Variants in CDYL2 observed in about 807,000 individuals in gnomAD.
CDYL2 encodes chromodomain Y-like protein 2.
Under a neutral mutation model 49.4 loss-of-function variants are expected in CDYL2, and 23 were observed. The ratio of observed to expected loss-of-function variants is 0.47; its 90% CI spans 0.34 to 0.66. The LOEUF (loss-of-function observed/expected upper bound fraction) is 0.66. Among genes scored for constraint, CDYL2 ranks in the 30% least tolerant of loss-of-function variants. The pLI is 0.01. For missense variants in CDYL2, 678 were observed against 656.4 expected, an observed-to-expected ratio of 1.03 and a Z score of -0.36; for synonymous variants, 360 against 268.8, an observed-to-expected ratio of 1.34 and a Z score of -3.32.
At chr16:80,627,789 G>T (rs1239235589) in intron 3 of CDYL2, 1 of 152,136 alleles carries the variant, frequency 6.6e-6, no homozygotes, top group Non-Finnish European at 1.5e-5. Context: ...ATAACAAATA[G>T]TCCCAGACTG....
rs1905241665 is a variant in CDYL2, at chr16:80,728,778, G to C, written c.25-43649C>G. 4.6e-5 allele frequency among the ~76,000 whole-genome samples: 7 copies of C among 152,274 alleles called. 1 individual carries two copies. The South Asian group carries it at 1.5e-3, about 32-fold the overall frequency. On this transcript the variant is annotated intron_variant, in intron 1 of 6. Coordinates refer to ENST00000570137, the MANE Select transcript of CDYL2 (RefSeq NM_152342.4). ...TCGGCAGAAACTCTACAAGCCAGAAGAGAGTGGGGGCCAATATTCAACATT... is the reference window on the plus strand; with the variant it reads ...TCGGCAGAAACTCTACAAGCCAGAACAGAGTGGGGGCCAATATTCAACATT...
In CDYL2 at chr16:80,668,979, C is replaced by A. The variant is rs11150299; in HGVS notation, c.616+15559G>T. On this transcript the variant is annotated intron_variant, in intron 2 of 6. Transcript: ENST00000570137. ...ACTGTTTGAATTTTTTACAACTCAC[C>A]TATTTGTAACTTTAGAAAACAAAAA... 1.3e-4 allele frequency among the ~76,000 whole-genome samples: 20 copies of A among 151,744 alleles called. 1 individual carries two copies. The East Asian group carries it at 3.7e-3, about 28-fold the overall frequency.
chr16:80,752,700 G>A (rs944403957), intron 1 of CDYL2, among the ~76,000 whole-genome samples: 4 of 152,136 alleles, frequency 2.6e-5, no homozygotes, highest in African/African-American at 9.7e-5. Context: ...ACCAACCAGT[G>A]GTGTACTGAT....
In CDYL2 at chr16:80,758,843, G is replaced by A. The variant is rs112574176; in HGVS notation, c.24+45307C>T. Among the ~76,000 whole-genome samples, 26 of 151,850 alleles carry A rather than the reference G, an allele frequency of 1.7e-4. 1 individual carries two copies. Among genetic ancestry groups the A allele is most frequent in the African/African-American group, 6.0e-4 (25 of 41,478 alleles). ...AGGCGTGAGCCACCACGCCCGGCCTGCTGCAGCACTTCTAATCATATCAAA... is the reference window on the plus strand; with the variant it reads ...AGGCGTGAGCCACCACGCCCGGCCTACTGCAGCACTTCTAATCATATCAAA... On this transcript the variant is annotated intron_variant, in intron 1 of 6. Coordinates refer to ENST00000570137, the MANE Select transcript of CDYL2 (RefSeq NM_152342.4).
intron 2 of CDYL2, among the ~76,000 whole-genome samples, chr16:80,662,078 T>C (rs879226483): frequency 1.3e-5 from 2 of 152,212 alleles, no homozygotes; most frequent in Admixed American, 6.5e-5. Flanking sequence ...GAAGTCTCCA[T>C]GTGTCAAACA....
intron 2 of CDYL2, among the ~76,000 whole-genome samples, chr16:80,674,155 A>T (rs1412582135): frequency 6.6e-6 from 1 of 152,214 alleles, no homozygotes; most frequent in Non-Finnish European, 1.5e-5. Flanking sequence ...TTGGTTCACT[A>T]AGAGTACCTC....
chr16:80,674,911 A>T (rs1232277182), intron 2 of CDYL2, among the ~76,000 whole-genome samples: 4 of 152,208 alleles, frequency 2.6e-5, no homozygotes, highest in Admixed American at 2.6e-4. Flanking sequence ...TTTACAATGC[A>T]TAGATGTGCA....
chr16:80,664,727 C>T (rs1412664212), intron 2 of CDYL2, among the ~76,000 whole-genome samples: 1 of 152,140 alleles, frequency 6.6e-6, no homozygotes. Flanking sequence ...ATCTAGGTCT[C>T]AAGCCAGGAC....
chr16:80,712,191 G>GTATGTATATATATATATATA (rs1904636906), intron 1 of CDYL2, among the ~76,000 whole-genome samples: 1 of 107,934 alleles, frequency 9.3e-6, no homozygotes, highest in African/African-American at 2.9e-5. Context: ...GTCTGTGTGT[G>GTATGTATATATATATATATA]TATATATATA....
intron 1 of CDYL2, among the ~76,000 whole-genome samples, chr16:80,743,401 C>T (rs149971471): frequency 2.0e-5 from 3 of 152,194 alleles, no homozygotes; most frequent in African/African-American, 7.2e-5. Context: ...TATTTGCAGT[C>T]TAAATCTCAA....
chr16:80,686,421 T>C (rs1479348763), intron 1 of CDYL2, among the ~76,000 whole-genome samples: 2 of 152,218 alleles, frequency 1.3e-5, no homozygotes, highest in African/African-American at 2.4e-5. Context: ...CAAAAGTTTA[T>C]TCTACTTCAA....
chr16:80,607,335 G>A (rs116081950), intron 6 of CDYL2, among the ~76,000 whole-genome samples: 160 of 152,178 alleles, frequency 1.1e-3, no homozygotes, highest in African/African-American at 3.4e-3. Flanking sequence ...CATGACAGCC[G>A]GGTGTGAACA....
chr16:80,669,212 G>A (rs1909396630), intron 2 of CDYL2, among the ~76,000 whole-genome samples: 1 of 151,962 alleles, frequency 6.6e-6, no homozygotes, highest in Non-Finnish European at 1.5e-5. Context: ...ACACTGGAAG[G>A]TAATGGGAAG....
At position 80,634,860 on chromosome 16, in the gene CDYL2, A is replaced by G. The variant is rs913625293; in HGVS notation, c.617-1624T>C. Among the ~76,000 whole-genome samples, 5 of 152,330 alleles carry G rather than the reference A, an allele frequency of 3.3e-5. No individual in the cohort carries two copies. In the East Asian group the frequency reaches 9.6e-4, roughly 29 times the overall value. On this transcript the variant is annotated intron_variant, in intron 2 of 6. Transcript: ENST00000570137. ...TTGAATCAATAATTAATAAGCTAAC[A>G]AAGAAAGCATCAAGCCCAAAGAATT...
rs1480514781 is a variant in CDYL2 at position 80,633,012 on chromosome 16, C to T, written c.834+7G>A. On this transcript the variant is annotated splice_region_variant and intron_variant, in intron 3 of 6. Transcript: ENST00000570137. ...GCTTGCCCTTCCCTCTGGCCGCCAC[C>T]CCTTACCTCAGGTGTCAGGGCATTG... The T allele has an allele frequency of 8.7e-6, 14 of 1,612,340 alleles. No individual in the cohort carries two copies. The highest frequency in any genetic ancestry group is 1.2e-5 in the Non-Finnish European group (14 of 1,178,488).
At chr16:80,777,042 G>A (rs560167375) in intron 1 of CDYL2, among the ~76,000 whole-genome samples, 1 of 151,716 alleles carries the variant, frequency 6.6e-6, no homozygotes, top group African/African-American at 2.4e-5. Flanking sequence ...GGCTGGTCTC[G>A]ACCTCCTAAG....
intron 1 of CDYL2, among the ~76,000 whole-genome samples, chr16:80,752,344 A>G (rs1203315907): frequency 6.6e-6 from 1 of 152,202 alleles, no homozygotes; most frequent in Non-Finnish European, 1.5e-5. Context: ...AGGAATAAAG[A>G]AAGAACAGAG....
intron 1 of CDYL2, among the ~76,000 whole-genome samples, chr16:80,689,494 C>G (rs1234117653): frequency 6.6e-6 from 1 of 152,188 alleles, no homozygotes; most frequent in Non-Finnish European, 1.5e-5. Context: ...TTCCCTTGAT[C>G]ACACAGTCAG....
intron 1 of CDYL2, among the ~76,000 whole-genome samples, chr16:80,765,616 G>A (rs1017298907): frequency 6.7e-6 from 1 of 149,232 alleles, no homozygotes; most frequent in Non-Finnish European, 1.5e-5. Context: ...GTACACAGAT[G>A]TTCACAGCAG....
Sources: allele counts gnomAD v4.1 joint callset (sites outside exome capture counted in the v4.1 genomes callset), GRCh38; gene constraint gnomAD v4.1.1; transcripts MANE v1.5; gene names NCBI Gene and HGNC (gene_info 2026-07-23, HGNC 2026-07-21).